ATG16L1: variants seen among roughly 807,000 people sequenced by gnomAD.
ATG16L1 encodes the protein autophagy related 16 like 1, also known as autophagy-related protein 16-1.
ATG16L1 carries 37 observed loss-of-function variants against 88.5 expected under a neutral mutation model. The ratio of observed to expected loss-of-function variants is 0.42; its 90% CI spans 0.32 to 0.55. ATG16L1 has a LOEUF of 0.55. ATG16L1 is among the 20% of genes least tolerant of loss of function. The pLI, the probability that ATG16L1 is intolerant of heterozygous loss-of-function variation, is 0.13. For synonymous variants in ATG16L1, 301 were observed against 281.0 expected (o/e 1.07, Z -0.71); for missense variants, 554 against 752.8 (o/e 0.74, Z 3.09).
rs1031308443 is a variant in ATG16L1, at chr2:233,251,721, C to A, written c.-107C>A. On this transcript the variant is annotated 5_prime_UTR_variant, in exon 1 of 18. Coordinates refer to ENST00000392017, the MANE Select transcript of ATG16L1 (RefSeq NM_030803.7). ...GACTGCCAGTGTGTGGAGGTGAGCT[C>A]CGGGATTGCCGGCATTCCCGCTTCT... 4.7e-5 allele frequency: 47 copies of A among 999,780 alleles called. No homozygotes were observed. Among genetic ancestry groups the A allele is most frequent in the Non-Finnish European group, 6.8e-5 (45 of 658,504 alleles). 61.9% of individuals were successfully genotyped at this position (999,780 alleles called of 1,614,324 possible). A position where few individuals can be genotyped will look rare whatever the true frequency, so the allele number is the denominator to read the frequency against.
intron 1 of ATG16L1, among the ~76,000 whole-genome samples, chr2:233,253,016 A>G (rs533425225): frequency 5.3e-4 from 80 of 152,330 alleles, no homozygotes; most frequent in African/African-American, 1.9e-3. Context: ...AAAAAATTAC[A>G]AATCCCAAGC....
rs778668000 is a variant in ATG16L1 at position 233,282,632 on chromosome 2, A to T, written c.1132-50A>T. ...GGGGAATTTATATCGTGTGAACTGA[A>T]TTCCTCTGATTTGGCTAAAAATTGG... On this transcript the variant is annotated intron_variant, in intron 11 of 17. Coordinates refer to ENST00000392017, the MANE Select transcript of ATG16L1 (RefSeq NM_030803.7). The T allele has an allele frequency of 3.3e-6, 5 of 1,496,354 alleles. No individual in the cohort carries two copies. The South Asian group carries it at 5.7e-5, about 17-fold the overall frequency. The allele number at this position is 1,496,354 out of a possible 1,614,324, so 92.7% of individuals were successfully genotyped here. A position where few individuals can be genotyped will look rare whatever the true frequency, so the allele number is the denominator to read the frequency against.
chr2:233,272,820 T>G, intron 6 of ATG16L1, 146 bp from the exon 7 acceptor site: 1 of 675,626 alleles, frequency 1.5e-6, no homozygotes, highest in South Asian at 1.7e-5. Context: ...TGGCAGCTCT[T>G]CCTTTTTCTC....
intron 2 of ATG16L1, among the ~76,000 whole-genome samples, chr2:233,258,015 AAATATCTATAT>A (rs1559377438): frequency 1.1e-5 from 1 of 92,852 alleles, no homozygotes; most frequent in Admixed American, 9.5e-5. Flanking sequence ...AAAAAAAAAA[AAATATCTATAT>A]ATCTATATAT....
At chr2:233,266,570 C>T (rs1442502753) in intron 5 of ATG16L1, among the ~76,000 whole-genome samples, 1 of 151,924 alleles carries the variant, frequency 6.6e-6, no homozygotes, top group Admixed American at 6.6e-5. Flanking sequence ...GAATAAATGA[C>T]AATAGGAAAG....
At chr2:233,254,065 A>G (rs1419890331) in intron 1 of ATG16L1, among the ~76,000 whole-genome samples, 1 of 152,226 alleles carries the variant, frequency 6.6e-6, no homozygotes, top group African/African-American at 2.4e-5. Context: ...AGTGCTGTGC[A>G]TATAAGTGCT....
At chr2:233,282,293 A>C (rs1367406157) in intron 11 of ATG16L1, among the ~76,000 whole-genome samples, 2 of 152,182 alleles carry the variant, frequency 1.3e-5, no homozygotes, top group Non-Finnish European at 2.9e-5. Context: ...CAGGCTCGAC[A>C]CATTGAAGAT....
At position 233,282,750 on chromosome 2, in the gene ATG16L1, A is replaced by G; in HGVS notation, c.1200A>G (p.Leu400=). 2 of 1,613,926 alleles carry G rather than the reference A, an allele frequency of 1.2e-6. No individual in the cohort carries two copies. The highest frequency in any genetic ancestry group is 1.7e-6 in the Non-Finnish European group (2 of 1,179,794). ...TCTGGACTGTGGATGATTATCGATTACGGGTAAGACCCAGTTAAGAAAGTT... is the reference window on the plus strand; with the variant it reads ...TCTGGACTGTGGATGATTATCGATTGCGGGTAAGACCCAGTTAAGAAAGTT... ...SRIWTVDDYR[L]RHTLTGHSGK... Residue 400 remains leucine, a synonymous_variant, in exon 12 of 18, where the codon TTA becomes TTG. Coordinates refer to ENST00000392017, the MANE Select transcript of ATG16L1 (RefSeq NM_030803.7).
intron 10 of ATG16L1, 138 bp from the exon 11 acceptor site, chr2:233,280,967 T>C: frequency 1.8e-6 from 1 of 554,360 alleles, no homozygotes; most frequent in African/African-American, 1.9e-5. Flanking sequence ...CCTGCTATTT[T>C]GTTTGATTCT....
Position 233,277,520 on chromosome 2 carries a change from T to C in ATG16L1, c.955-48T>C, listed in dbSNP as rs1698454549. On this transcript the variant is annotated intron_variant, in intron 9 of 17. Coordinates refer to ENST00000392017, the MANE Select transcript of ATG16L1 (RefSeq NM_030803.7). Reference sequence around the variant, plus strand: ...TTTGGAGTGTTCGCGCATCTTGAGCTCTTGGGATGAGAATGACTGGGTTTG... The same window carrying C: ...TTTGGAGTGTTCGCGCATCTTGAGCCCTTGGGATGAGAATGACTGGGTTTG... 2.6e-6 allele frequency: 4 copies of C among 1,560,238 alleles called. No homozygotes were observed. The South Asian group carries it at 3.3e-5, about 13-fold the overall frequency.
chr2:233,253,161 C>T (rs551901876), intron 1 of ATG16L1, among the ~76,000 whole-genome samples: 16 of 152,216 alleles, frequency 1.1e-4, no homozygotes, highest in African/African-American at 3.9e-4. Context: ...CAAATGACTA[C>T]TGTGCAGACA....
At chr2:233,271,009 T>G (rs1697955190) in intron 6 of ATG16L1, among the ~76,000 whole-genome samples, 1 of 152,208 alleles carries the variant, frequency 6.6e-6, no homozygotes, top group Non-Finnish European at 1.5e-5. Context: ...TATCATGCCT[T>G]TGCTTTAGAT....
At chr2:233,277,390 A>G (rs935630776) in intron 9 of ATG16L1, 178 bp from the exon 10 acceptor site, 2 of 557,670 alleles carry the variant, frequency 3.6e-6, no homozygotes, top group Non-Finnish European at 6.4e-6. Context: ...AACTAGAAGA[A>G]TAAAATGATA....
At chr2:233,266,832 C>G (rs943135298) in intron 5 of ATG16L1, among the ~76,000 whole-genome samples, 2 of 152,158 alleles carry the variant, frequency 1.3e-5, no homozygotes, top group Non-Finnish European at 2.9e-5. Flanking sequence ...TTTACAACCA[C>G]TTGGATGGAA....
chr2:233,257,756 C>G (rs1449937845), intron 2 of ATG16L1, among the ~76,000 whole-genome samples: 1 of 152,098 alleles, frequency 6.6e-6, no homozygotes, highest in East Asian at 1.9e-4. Context: ...CCTGTAATCC[C>G]AGCACTTTGG....
At chr2:233,272,375 CAG>C (rs770869113) in intron 6 of ATG16L1, among the ~76,000 whole-genome samples, 21 of 152,350 alleles carry the variant, frequency 1.4e-4, no homozygotes, top group Admixed American at 3.3e-4. Flanking sequence ...ATAAAATGCG[CAG>C]AGTCAAAAAT....
chr2:233,292,335 G>A (rs552797757), intron 15 of ATG16L1, 52 bp from the exon 16 acceptor site: 119 of 1,614,150 alleles, frequency 7.4e-5, no homozygotes, highest in Non-Finnish European at 9.2e-5. Flanking sequence ...CTCTCTTAAC[G>A]TGCTGCGTGG....
In ATG16L1 at chr2:233,289,579, T is replaced by TG. The variant is rs1347667951; in HGVS notation, c.1204-270dup. Reference sequence around the variant, plus strand: ...TTTTAAAAAAATTTTTTTGTAGAGATGGGGGTTTCACTGTGTTGCCCAAGC... The same window carrying TG: ...TTTTAAAAAAATTTTTTTGTAGAGATGGGGGGTTTCACTGTGTTGCCCAAGC... On this transcript the variant is annotated intron_variant, in intron 12 of 17. Coordinates refer to ENST00000392017, the MANE Select transcript of ATG16L1 (RefSeq NM_030803.7). Among the ~76,000 whole-genome samples, 5 of 152,202 alleles carry TG rather than the reference T, an allele frequency of 3.3e-5. No homozygotes were observed. In the East Asian group the frequency reaches 9.7e-4, roughly 29 times the overall value.
chr2:233,289,199 GA>G (rs1454797269), intron 12 of ATG16L1, among the ~76,000 whole-genome samples: 1 of 152,206 alleles, frequency 6.6e-6, no homozygotes, highest in Non-Finnish European at 1.5e-5. Flanking sequence ...GGGAGCACGT[GA>G]AGCTTGGTGC....
Sources: allele counts gnomAD v4.1 joint callset (sites outside exome capture counted in the v4.1 genomes callset), GRCh38; gene constraint gnomAD v4.1.1; transcripts MANE v1.5; gene names NCBI Gene and HGNC (gene_info 2026-07-23, HGNC 2026-07-21).